Variants in ATR observed in about 807,000 individuals in gnomAD.
ATR encodes ATR checkpoint kinase.
A neutral mutation model predicts 305.3 loss-of-function variants in ATR; 142 were observed. The ratio of observed to expected loss-of-function variants is 0.47; its 90% CI spans 0.41 to 0.53. The LOEUF (loss-of-function observed/expected upper bound fraction) is 0.53, where lower values mean the gene tolerates loss of function less well. Ranked by LOEUF, ATR falls within the 20% of genes least tolerant of loss-of-function variation. ATR has a pLI of 0.00. For synonymous variants in ATR, 1,050 were observed against 1,068.1 expected (o/e 0.98, Z 0.33); for missense variants, 2,135 against 3,133.1 (o/e 0.68, Z 7.60).
chr3:142,473,311 G>C (rs1482996926), intron 36 of ATR, among the ~76,000 whole-genome samples: 1 of 152,066 alleles, frequency 6.6e-6, no homozygotes, highest in Non-Finnish European at 1.5e-5. Flanking sequence ...CCATTCTATT[G>C]CATGTGGACA....
chr3:142,507,332 G>A (rs375662724), intron 28 of ATR, among the ~76,000 whole-genome samples: 4 of 152,020 alleles, frequency 2.6e-5, no homozygotes, highest in Admixed American at 6.6e-5. Context: ...TGACATAACC[G>A]GCACTTGCCC....
At chr3:142,547,967 A>T in intron 15 of ATR, 57 bp from the exon 16 acceptor site, 1 of 1,445,228 alleles carries the variant, frequency 6.9e-7, no homozygotes. Flanking sequence ...TCCTGGAAAT[A>T]AGTATACTGA....
At chr3:142,557,630 T>C (rs764070995) in intron 8 of ATR, among the ~76,000 whole-genome samples, 23 of 152,160 alleles carry the variant, frequency 1.5e-4, no homozygotes, top group Admixed American at 7.8e-4. Context: ...ATGAGGGGAA[T>C]GAAATCATAG....
In ATR at chr3:142,499,735, A is replaced by G. The variant is rs140925601; in HGVS notation, c.5289-17T>C. 28 of 1,605,662 alleles carry G rather than the reference A, an allele frequency of 1.7e-5. No homozygotes were observed. In the East Asian group the frequency reaches 5.8e-4, roughly 33 times the overall value. Reference sequence around the variant, plus strand: ...CACTCGGACCTATTAAAAGAAACCCATATCAACTAAACTTTAATTTATTTA... The same window carrying G: ...CACTCGGACCTATTAAAAGAAACCCGTATCAACTAAACTTTAATTTATTTA... On this transcript the variant is annotated splice_polypyrimidine_tract_variant and intron_variant, in intron 30 of 46. Coordinates refer to ENST00000350721, the MANE Select transcript of ATR (RefSeq NM_001184.4).
In ATR at chr3:142,507,971, T is replaced by C; in HGVS notation, c.4991A>G (p.Glu1664Gly). 1 of 1,613,464 alleles carries C rather than the reference T, an allele frequency of 6.2e-7. No individual in the cohort carries two copies. Among genetic ancestry groups the C allele is most frequent in the African/African-American group, 1.3e-5 (1 of 74,996 alleles). ...AVMHFESFIT[E>G]KKQNIQEHLG... ...ATGTTCCTGAATATTTTGCTTCTTT[T>C]CTGTAATAAATGATTCAAAGTGCAT... The change falls in exon 28 of 47, where the codon GAA becomes GGA. Residue 1664 changes from glutamate to glycine, a missense_variant. Physicochemically the swap from Glu to Gly is moderately conservative, Grantham distance 98. Around this residue, in one of 9 missense-constraint regions of ATR, gnomAD observed 45 missense variants for 80.4 expected, o/e 0.56. Coordinates refer to ENST00000350721, the MANE Select transcript of ATR (RefSeq NM_001184.4).
At chr3:142,531,915 C>T (rs2033666448) in intron 21 of ATR, among the ~76,000 whole-genome samples, 1 of 152,068 alleles carries the variant, frequency 6.6e-6, no homozygotes, top group African/African-American at 2.4e-5. Flanking sequence ...TCTCCAGCAC[C>T]TGTTGTTTCC....
chr3:142,512,518 T>C, intron 26 of ATR, 48 bp from the exon 27 acceptor site: 1 of 1,396,288 alleles, frequency 7.2e-7, no homozygotes, highest in East Asian at 2.5e-5. Context: ...TAATACCATT[T>C]AACTATTATA....
intron 35 of ATR, among the ~76,000 whole-genome samples, chr3:142,486,074 T>C (rs2108313677): frequency 6.6e-6 from 1 of 152,368 alleles, no homozygotes; most frequent in South Asian, 2.1e-4. Context: ...GTCTCCTTTG[T>C]CATTTCTTTT....
At chr3:142,534,394 T>C (rs1429244861) in intron 21 of ATR, among the ~76,000 whole-genome samples, 1 of 152,144 alleles carries the variant, frequency 6.6e-6, no homozygotes, top group African/African-American at 2.4e-5. Context: ...ATATCTTTTG[T>C]CCTAAGTAAG....
intron 44 of ATR, among the ~76,000 whole-genome samples, chr3:142,458,086 G>A (rs944500207): frequency 4.6e-5 from 7 of 151,992 alleles, no homozygotes; most frequent in African/African-American, 1.7e-4. Context: ...TGTCTTTCTT[G>A]AATAATATGA....
Position 142,539,168 on chromosome 3 carries a change from A to C in ATR, c.3582-543T>G, listed in dbSNP as rs551179332. 2.7e-4 allele frequency among the ~76,000 whole-genome samples: 41 copies of C among 152,302 alleles called. No homozygotes were observed. The South Asian group carries it at 8.5e-3, about 32-fold the overall frequency. On this transcript the variant is annotated intron_variant, in intron 18 of 46. Coordinates refer to ENST00000350721, the MANE Select transcript of ATR (RefSeq NM_001184.4). ...ATTCTAAAACCTATTCTTTATAAAA[A>C]TTTTCTAGTAGCTACATTCACTTAA...
intron 26 of ATR, 91 bp downstream of exon 26, chr3:142,513,410 T>C: frequency 6.8e-7 from 1 of 1,470,952 alleles, no homozygotes; most frequent in Non-Finnish European, 9.5e-7. Flanking sequence ...AGGTCTACAT[T>C]TCCTACTAAT....
chr3:142,552,657 A>T (rs2034512656), intron 13 of ATR, among the ~76,000 whole-genome samples: 2 of 142,414 alleles, frequency 1.4e-5, no homozygotes, highest in African/African-American at 5.5e-5. Flanking sequence ...ACAACAGAGC[A>T]ATACTCCATC....
In ATR at chr3:142,499,705, C is replaced by G. The variant is rs369378664; in HGVS notation, c.5302G>C (p.Asp1768His). The G allele has an allele frequency of 6.2e-7, 1 of 1,614,118 alleles. No homozygotes were observed. Among genetic ancestry groups the G allele is most frequent in the African/African-American group, 1.3e-5 (1 of 75,068 alleles). The change falls in exon 31 of 47, where the codon GAT (aspartate) becomes CAT (histidine). Residue 1768 changes from aspartate (D) to histidine (H), a missense_variant. Physicochemically the swap from Asp to His is moderately conservative, Grantham distance 81 (BLOSUM62 -1). Coordinates refer to ENST00000350721, the MANE Select transcript of ATR (RefSeq NM_001184.4). ...TCCACTCTGTACGTGTTTAATTCAT[C>G]TGTCCACTCGGACCTATTAAAAGAA... is the stretch of plus-strand genomic sequence containing the variant. Reference protein sequence around the residue: ...GVHANRSEWTDELNTYRVEAA... With the variant: ...GVHANRSEWTHELNTYRVEAA...
At chr3:142,535,862 G>C (rs531615983) in intron 20 of ATR, among the ~76,000 whole-genome samples, 3 of 152,112 alleles carry the variant, frequency 2.0e-5, no homozygotes, top group African/African-American at 7.2e-5. Context: ...GGTAGTAAAG[G>C]CATAAGAATT....
chr3:142,509,918 C>A (rs1577598149), intron 27 of ATR, among the ~76,000 whole-genome samples: 2 of 152,094 alleles, frequency 1.3e-5, no homozygotes, highest in South Asian at 4.1e-4. Context: ...GAGTTTGGGA[C>A]CACCCTGGGC....
At chr3:142,516,383 A>C (rs1306857594) in intron 24 of ATR, among the ~76,000 whole-genome samples, 1 of 152,232 alleles carries the variant, frequency 6.6e-6, no homozygotes, top group East Asian at 1.9e-4. Context: ...GCACTGATAC[A>C]GGAAAATCAC....
Position 142,451,545 on chromosome 3 carries a change from G to A in ATR, c.7761+1583C>T. 3 of 1,353,608 alleles carry A rather than the reference G, an allele frequency of 2.2e-6. No individual in the cohort carries two copies. The Admixed American group carries it at 6.9e-5, about 31-fold the overall frequency. The allele number at this position is 1,353,608 out of a possible 1,614,324, so 83.8% of individuals were successfully genotyped here. On this transcript the variant is annotated intron_variant, in intron 46 of 46. Coordinates refer to ENST00000350721, the MANE Select transcript of ATR (RefSeq NM_001184.4). ...GAGAACACCAACACCTATATCCAGA[G>A]TGGGCACTTGTCTGTATGCTTCATC...
intron 46 of ATR, chr3:142,450,432 A>G (rs1242338313): frequency 1.3e-6 from 2 of 1,596,384 alleles, no homozygotes; most frequent in Non-Finnish European, 1.7e-6. Context: ...AGTTTAGCTC[A>G]TTGAGACTAC....
Sources: allele counts gnomAD v4.1 joint callset (sites outside exome capture counted in the v4.1 genomes callset), GRCh38; gene constraint gnomAD v4.1.1; regional missense constraint gnomAD v4.1.1; transcripts MANE v1.5; gene names NCBI Gene and HGNC (gene_info 2026-07-23, HGNC 2026-07-21).